The following ADGRV1 variants were observed in gnomAD, a reference collection of about 807,000 sequenced individuals.
The protein encoded by ADGRV1 is adhesion G protein-coupled receptor V1, also known as G-protein coupled receptor 98.
In ADGRV1, 359 loss-of-function variants were observed where a neutral mutation model predicts 596.2. The observed-to-expected ratio is 0.60, with a 90% CI of 0.55 to 0.66. The LOEUF (loss-of-function observed/expected upper bound fraction) is 0.66. ADGRV1 is among the 30% of genes least tolerant of loss of function. ADGRV1 has a pLI of 0.00. For missense variants in ADGRV1, 7,274 were observed against 7,575.6 expected (o/e 0.96, Z 1.48); for synonymous variants, 2,681 against 2,679.2 (o/e 1.00, Z -0.02).
At position 90,716,720 on chromosome 5, in the gene ADGRV1, T is replaced by A. The variant is rs759516250; in HGVS notation, c.9438T>A (p.Val3146=). 1 of 1,611,670 alleles carries A rather than the reference T, an allele frequency of 6.2e-7. No homozygotes were observed. The highest frequency in any genetic ancestry group is 1.7e-5 in the Admixed American group (1 of 60,004). Residue 3146 remains valine (V), a synonymous_variant, in exon 43 of 90, where the codon GTT becomes GTA. Coordinates refer to ENST00000405460, the MANE Select transcript of ADGRV1 (RefSeq NM_032119.4). ...SKGYIVLEEG[V]RFKALQISAI... ...GCTATATTGTTTTAGAAGAAGGTGT[T>A]CGATTCAAGGTACAGTAAGAAGCTT...
chr5:90,618,315 AGCGG>A (rs1288583508), intron 3 of ADGRV1, among the ~76,000 whole-genome samples: 1 of 152,180 alleles, frequency 6.6e-6, no homozygotes, highest in Non-Finnish European at 1.5e-5. Flanking sequence ...GAATACAAAA[AGCGG>A]GCATGGAAGT....
intron 83 of ADGRV1, among the ~76,000 whole-genome samples, chr5:90,960,766 G>A (rs953613694): frequency 1.3e-5 from 2 of 152,100 alleles, no homozygotes; most frequent in Non-Finnish European, 2.9e-5. Context: ...AGAAATTCTA[G>A]ATAAAAGGAA....
Position 90,815,968 on chromosome 5 carries a change from A to G in ADGRV1, c.16196+232A>G, listed in dbSNP as rs975534031. On this transcript the variant is annotated intron_variant, in intron 75 of 89. Coordinates refer to ENST00000405460, the MANE Select transcript of ADGRV1 (RefSeq NM_032119.4). ...TCATGAAGTACCATACAAATATCAGACTATGTAGGTCATCACTTCATCATA... is the reference window on the plus strand; with the variant it reads ...TCATGAAGTACCATACAAATATCAGGCTATGTAGGTCATCACTTCATCATA... 2.6e-5 allele frequency among the ~76,000 whole-genome samples: 4 copies of G among 152,178 alleles called. No individual in the cohort carries two copies. The East Asian group carries it at 7.7e-4, about 29-fold the overall frequency.
intron 1 of ADGRV1, among the ~76,000 whole-genome samples, chr5:90,590,834 T>G (rs1759400330): frequency 6.6e-6 from 1 of 152,230 alleles, no homozygotes; most frequent in Non-Finnish European, 1.5e-5. Flanking sequence ...ATACTATTAC[T>G]GGAAAAATGG....
At chr5:90,728,593 A>G (rs878858076) in intron 48 of ADGRV1, 76 bp from the exon 49 acceptor site, 7 of 1,181,440 alleles carry the variant, frequency 5.9e-6, no homozygotes, top group African/African-American at 1.5e-5. Flanking sequence ...GAGAGTAAAC[A>G]TATGGTATTG....
chr5:91,060,398 A>ATTTTTTTTTTTTATTTATTTATT (rs1554210690), intron 85 of ADGRV1, among the ~76,000 whole-genome samples: 2 of 60,476 alleles, frequency 3.3e-5, no homozygotes, highest in African/African-American at 9.3e-5. Context: ...ATATATATAT[A>ATTTTTTTTTTTTATTTATTTATT]TTTTTTTTTT....
chr5:91,129,132 C>T (rs1385699267), intron 87 of ADGRV1, among the ~76,000 whole-genome samples: 1 of 152,202 alleles, frequency 6.6e-6, no homozygotes, highest in Admixed American at 6.5e-5. Flanking sequence ...TTAGAACTAT[C>T]TCTGAAATTC....
chr5:90,728,404 ATTTCT>A (rs1752077931), intron 48 of ADGRV1, among the ~76,000 whole-genome samples: 2 of 151,972 alleles, frequency 1.3e-5, no homozygotes, highest in African/African-American at 2.4e-5. Flanking sequence ...TTTGATACTG[ATTTCT>A]TTTCAAATAT....
At chr5:90,980,184 G>A (rs1026217803) in intron 84 of ADGRV1, among the ~76,000 whole-genome samples, 2 of 152,126 alleles carry the variant, frequency 1.3e-5, no homozygotes, top group African/African-American at 2.4e-5. Context: ...AAGCAACAAT[G>A]AAAATAAGAA....
intron 87 of ADGRV1, among the ~76,000 whole-genome samples, chr5:91,113,792 G>A (rs1298013065): frequency 6.6e-6 from 1 of 152,046 alleles, no homozygotes; most frequent in Non-Finnish European, 1.5e-5. Context: ...GCTGGCATGT[G>A]CCTTTAGTCC....
At chr5:90,717,817 T>A (rs775759819) in intron 43 of ADGRV1, 1 of 152,160 alleles carries the variant, frequency 6.6e-6, no homozygotes, top group Non-Finnish European at 1.5e-5. Flanking sequence ...TCCCAGCTAA[T>A]TTTTTGTATT....
Position 90,822,817 on chromosome 5 carries a change from T to C in ADGRV1, c.16197-608T>C, listed in dbSNP as rs1763700865. Among the ~76,000 whole-genome samples the C allele has an allele frequency of 2.0e-5, 3 of 152,208 alleles. No homozygotes were observed. In the South Asian group the frequency reaches 6.2e-4, roughly 31 times the overall value. On this transcript the variant is annotated intron_variant, in intron 75 of 89. Coordinates refer to ENST00000405460, the MANE Select transcript of ADGRV1 (RefSeq NM_032119.4). The stretch of plus-strand genomic sequence containing the variant: ...TCTTTTATTTCATTGAGCAGTGGTT[T>C]ATAGTTCTCCTTGAAGAGGTCCTTC...
chr5:90,640,844 C>T (rs1254319087), intron 11 of ADGRV1: 1 of 152,532 alleles, frequency 6.6e-6, no homozygotes, highest in Admixed American at 6.6e-5. Context: ...AGGGTAGAAA[C>T]TGAAAGGTTT....
chr5:90,837,577 C>T (rs955649319), intron 77 of ADGRV1, among the ~76,000 whole-genome samples: 5 of 152,002 alleles, frequency 3.3e-5, no homozygotes, highest in Admixed American at 2.0e-4. Flanking sequence ...ACCATGTTGG[C>T]CAGGCTGGTC....
intron 70 of ADGRV1, 99 bp downstream of exon 70, chr5:90,791,445 T>A: frequency 1.1e-6 from 1 of 910,112 alleles, no homozygotes; most frequent in Non-Finnish European, 1.6e-6. Flanking sequence ...ATTCAGGTAT[T>A]TAAATGGAAC....
chr5:90,673,350 A>G (rs186975753), intron 22 of ADGRV1, among the ~76,000 whole-genome samples: 1 of 152,282 alleles, frequency 6.6e-6, no homozygotes, highest in East Asian at 1.9e-4. Context: ...TGTTGGTAAT[A>G]CCACGGTCTT....
chr5:91,140,440 C>T (rs1051747932), intron 87 of ADGRV1, among the ~76,000 whole-genome samples: 1 of 152,076 alleles, frequency 6.6e-6, no homozygotes, highest in African/African-American at 2.4e-5. Context: ...CTACTTATAA[C>T]AAGATTTAAA....
intron 50 of ADGRV1, among the ~76,000 whole-genome samples, chr5:90,731,490 G>C (rs905904886): frequency 6.6e-6 from 1 of 152,188 alleles, no homozygotes; most frequent in East Asian, 1.9e-4. Flanking sequence ...GAATTGGAGT[G>C]ATTAAGAGAG....
chr5:90,858,831 G>T (rs1767277469), intron 82 of ADGRV1, among the ~76,000 whole-genome samples: 1 of 152,086 alleles, frequency 6.6e-6, no homozygotes, highest in South Asian at 2.1e-4. Flanking sequence ...GTTTGTACAT[G>T]GTCTTAAGTT....
Sources: gnomAD v4.1 joint callset for allele counts (sites outside exome capture counted in the v4.1 genomes callset) on GRCh38, gnomAD v4.1.1 for gene constraint, MANE v1.5 for transcripts, NCBI Gene and HGNC (gene_info 2026-07-23, HGNC 2026-07-21) for gene names.